The following PEX5L variants were observed in gnomAD, a reference collection of about 807,000 sequenced individuals.
PEX5L encodes PEX5-related protein.
Under a neutral mutation model 84.0 loss-of-function variants are expected in PEX5L, and 30 were observed. The ratio of observed to expected loss-of-function variants is 0.36; its 90% confidence interval spans 0.27 to 0.48. PEX5L has a LOEUF of 0.48. Among genes scored for constraint, PEX5L ranks in the 20% least tolerant of loss-of-function variants. PEX5L has a pLI of 0.99. For synonymous variants in PEX5L, 270 were observed against 283.1 expected (o/e 0.95, Z 0.46); for missense variants, 533 against 754.6 (o/e 0.71, Z 3.44).
In PEX5L at chr3:179,955,389, C is replaced by T. The variant is rs550389971; in HGVS notation, c.93+16205G>A. ...AGTTCTCGTTTTCTTTGGCACCTTG[C>T]TGAAGCTAATTGGGTTTCTTTGTGT... On this transcript the variant is annotated intron_variant, in intron 2 of 14. Coordinates refer to ENST00000467460, the MANE Select transcript of PEX5L (RefSeq NM_016559.3). Among the ~76,000 whole-genome samples, 4 of 150,458 alleles carry T rather than the reference C, an allele frequency of 2.7e-5. No homozygotes were observed. The East Asian group carries it at 5.8e-4, about 22-fold the overall frequency.
chr3:179,859,282 A>G, intron 7 of PEX5L, 125 bp from the exon 8 acceptor site: 1 of 700,934 alleles, frequency 1.4e-6, no homozygotes, highest in East Asian at 2.7e-5. Context: ...GACTGATGAC[A>G]TTTTTGGAGT....
At chr3:179,833,020 A>T (rs572287522) in intron 8 of PEX5L, among the ~76,000 whole-genome samples, 7 of 152,336 alleles carry the variant, frequency 4.6e-5, no homozygotes, top group African/African-American at 1.7e-4. Context: ...AGGAATAGTT[A>T]TGTTTTCTTT....
At chr3:180,034,834 G>T (rs1242517511) in intron 1 of PEX5L, among the ~76,000 whole-genome samples, 1 of 152,128 alleles carries the variant, frequency 6.6e-6, no homozygotes, top group African/African-American at 2.4e-5. Context: ...AAGACATTAA[G>T]TTGGGAGAAT....
At chr3:179,809,073 C>CAAAAAAAAAAAAAAAAAA (rs10684376) in intron 12 of PEX5L, among the ~76,000 whole-genome samples, 1 of 47,772 alleles carries the variant, frequency 2.1e-5, no homozygotes, top group Non-Finnish European at 3.6e-5. Context: ...GATTCCGCCT[C>CAAAAAAAAAAAAAAAAAA]AAAAAAAAAA....
intron 1 of PEX5L, among the ~76,000 whole-genome samples, chr3:180,031,407 A>T (rs1029221235): frequency 1.3e-5 from 2 of 152,186 alleles, no homozygotes; most frequent in African/African-American, 4.8e-5. Flanking sequence ...CATAACCCCC[A>T]CTTCATAGCA....
At chr3:179,974,213 A>T in intron 1 of PEX5L, 1 of 985,100 alleles carries the variant, frequency 1.0e-6, no homozygotes, top group Non-Finnish European at 1.2e-6. Flanking sequence ...TAGCCAAAGG[A>T]CTGAACTAGA....
intron 1 of PEX5L, among the ~76,000 whole-genome samples, chr3:179,983,607 T>C (rs550490022): frequency 6.6e-6 from 1 of 152,010 alleles, no homozygotes; most frequent in South Asian, 2.1e-4. Flanking sequence ...AATTAGCCAC[T>C]TAAAAAAAAC....
chr3:179,802,024 A>C lies in PEX5L; in HGVS notation c.1685T>G (p.Val562Gly). ...CINLGAYREA[V>G]SNFLTALSLQ... ...ACTGAGGGCAGTGAGAAAATTGCTG[A>C]CCGCTTCTCTAAGAAGGTAGAAAAA... The change falls in exon 15 of 15, where the codon GTC (valine) becomes GGC (glycine). Residue 562 changes from valine (V) to glycine (G), a missense_variant. Physicochemically the swap from Val to Gly is moderately radical, Grantham distance 109 (BLOSUM62 -3). This residue lies in a region of PEX5L where 105 missense variants were observed against 204.6 expected (regional missense o/e 0.51). Coordinates refer to ENST00000467460, the MANE Select transcript of PEX5L (RefSeq NM_016559.3). The C allele has an allele frequency of 6.2e-7, 1 of 1,610,226 alleles. No individual in the cohort carries two copies. Among genetic ancestry groups the C allele is most frequent in the Non-Finnish European group, 8.5e-7 (1 of 1,176,620 alleles).
intron 7 of PEX5L, among the ~76,000 whole-genome samples, chr3:179,860,624 G>A (rs1745743320): frequency 6.6e-6 from 1 of 152,198 alleles, no homozygotes; most frequent in Non-Finnish European, 1.5e-5. Context: ...TAGCTCAGCT[G>A]CTCTTCATTC....
intron 7 of PEX5L, among the ~76,000 whole-genome samples, chr3:179,868,790 G>A (rs956228994): frequency 8.6e-5 from 13 of 151,858 alleles, no homozygotes; most frequent in African/African-American, 3.1e-4. Flanking sequence ...CTCCCATAAC[G>A]CATCCTGCAA....
rs1786471019 is a variant in PEX5L at position 179,982,970 on chromosome 3, T to C, written c.22-11305A>G. On this transcript the variant is annotated intron_variant, in intron 1 of 14. Transcript: ENST00000467460. ...TAATCATGTATACAAGTGTACCTAT[T>C]ACATTGTAGGTATTTAGTAAGTTTT... Among the ~76,000 whole-genome samples, 4 of 152,102 alleles carry C rather than the reference T, an allele frequency of 2.6e-5. No individual in the cohort carries two copies. In the South Asian group the frequency reaches 8.3e-4, roughly 31 times the overall value.
In PEX5L at chr3:179,852,435, C is replaced by T. The variant is rs1224067941; in HGVS notation, c.822+6627G>A. 3.3e-5 allele frequency among the ~76,000 whole-genome samples: 5 copies of T among 152,184 alleles called. No individual in the cohort carries two copies. In the East Asian group the frequency reaches 7.7e-4, roughly 23 times the overall value. ...TTTATTCTATTTATGAGAAGTGAGTCACTAAGTCCAGCCCACACTCAAGAG... is the reference window on the plus strand; with the variant it reads ...TTTATTCTATTTATGAGAAGTGAGTTACTAAGTCCAGCCCACACTCAAGAG... On this transcript the variant is annotated intron_variant, in intron 8 of 14. Coordinates refer to ENST00000467460, the MANE Select transcript of PEX5L (RefSeq NM_016559.3).
chr3:180,036,703 C>A lies in PEX5L; in HGVS notation c.-104G>T. Reference sequence around the variant, plus strand: ...AAAAGGTGGGTGCACAGCGGGTTCTCAGAGGGTGCTCCTGAGCCCCCTGGA... The same window carrying A: ...AAAAGGTGGGTGCACAGCGGGTTCTAAGAGGGTGCTCCTGAGCCCCCTGGA... On this transcript the variant is annotated 5_prime_UTR_variant, in exon 1 of 15. Transcript: ENST00000467460. 1.5e-6 allele frequency: 2 copies of A among 1,327,078 alleles called. No homozygotes were observed. Among genetic ancestry groups the A allele is most frequent in the Non-Finnish European group, 2.2e-6 (2 of 919,140 alleles). 82.2% of individuals were successfully genotyped at this position (1,327,078 alleles called of 1,614,324 possible).
chr3:179,945,035 A>G (rs1186138975), intron 2 of PEX5L, among the ~76,000 whole-genome samples: 1 of 152,248 alleles, frequency 6.6e-6, no homozygotes, highest in African/African-American at 2.4e-5. Flanking sequence ...AAAGCTGTGC[A>G]ATGCTTGCAC....
Position 179,894,232 on chromosome 3 carries a change from G to A in PEX5L, c.198+3910C>T, listed in dbSNP as rs570829156. The stretch of plus-strand genomic sequence containing the variant: ...AGTGATTCATTAATATCAAAGCCAA[G>A]TCAACTGACTGTATCAATTGAAAAG... On this transcript the variant is annotated intron_variant, in intron 3 of 14. Transcript: ENST00000467460. Among the ~76,000 whole-genome samples, 177 of 152,132 alleles carry A rather than the reference G, an allele frequency of 1.2e-3. 1 individual carries two copies. Among genetic ancestry groups the A allele is most frequent in the African/African-American group, 4.1e-3 (169 of 41,508 alleles).
Position 179,961,799 on chromosome 3 carries a change from C to T in PEX5L, c.93+9795G>A, listed in dbSNP as rs144245742. On this transcript the variant is annotated intron_variant, in intron 2 of 14. Transcript: ENST00000467460. ...AGACGCTGATTCAATCAGTAATCAC[C>T]GAGTTCACCTGCATGGTTCATTAGA... 1.1e-3 allele frequency among the ~76,000 whole-genome samples: 175 copies of T among 152,242 alleles called. 2 individuals are homozygous for T. In the East Asian group the frequency reaches 0.026, roughly 23 times the overall value.
chr3:179,835,817 C>A (rs942931367), intron 8 of PEX5L, among the ~76,000 whole-genome samples: 1 of 152,162 alleles, frequency 6.6e-6, no homozygotes, highest in Non-Finnish European at 1.5e-5. Context: ...AATTAGGGAT[C>A]ACTGAAATCT....
At chr3:179,942,940 C>T (rs964349959) in intron 2 of PEX5L, among the ~76,000 whole-genome samples, 1 of 152,176 alleles carries the variant, frequency 6.6e-6, no homozygotes, top group Non-Finnish European at 1.5e-5. Flanking sequence ...TACTTATGGG[C>T]TATGTGTCCT....
chr3:179,829,041 A>C (rs529595286), intron 8 of PEX5L, among the ~76,000 whole-genome samples: 4 of 152,240 alleles, frequency 2.6e-5, no homozygotes, highest in Non-Finnish European at 5.9e-5. Context: ...TCATCTTCTC[A>C]GTACTAACCA....
Sources: gnomAD v4.1 joint callset for allele counts (sites outside exome capture counted in the v4.1 genomes callset) on GRCh38, gnomAD v4.1.1 for gene constraint, gnomAD v4.1.1 regional missense constraint, MANE v1.5 for transcripts, NCBI Gene and HGNC (gene_info 2026-07-23, HGNC 2026-07-21) for gene names.